Variants in ST7 observed in about 807,000 individuals in gnomAD.
ST7 encodes suppressor of tumorigenicity 7 protein.
Under a neutral mutation model 78.7 loss-of-function variants are expected in ST7, and 28 were observed. The observed-to-expected ratio is 0.36, with a 90% CI of 0.26 to 0.49. ST7 has a LOEUF of 0.49. Among genes scored for constraint, ST7 ranks in the 20% least tolerant of loss-of-function variants. The probability of loss-of-function intolerance (pLI) is 0.99; values close to 1 mark genes in which losing one functional copy is unlikely to be tolerated. For missense variants in ST7, 418 were observed against 696.0 expected (o/e 0.60, Z 4.49); for synonymous variants, 247 against 249.6 (o/e 0.99, Z 0.10).
At chr7:117,022,274 G>C (rs924916279) in intron 1 of ST7, among the ~76,000 whole-genome samples, 5 of 152,254 alleles carry the variant, frequency 3.3e-5, no homozygotes, top group Admixed American at 3.3e-4. Context: ...CAGGTTTTTA[G>C]CATTTTTTGT....
chr7:117,220,962 A>G (rs527529042), intron 14 of ST7, among the ~76,000 whole-genome samples: 4 of 152,220 alleles, frequency 2.6e-5, no homozygotes, highest in East Asian at 3.9e-4. Context: ...TAGATCTTGT[A>G]TTCCCTGAGG....
chr7:116,967,388 C>A (rs567912031), intron 1 of ST7: 1 of 471,268 alleles, frequency 2.1e-6, no homozygotes, highest in Non-Finnish European at 4.4e-6. Flanking sequence ...CTGCTGTCCC[C>A]TCTCCCTGCC....
chr7:117,054,001 C>G (rs1797932659), intron 1 of ST7, among the ~76,000 whole-genome samples: 1 of 152,014 alleles, frequency 6.6e-6, no homozygotes, highest in Non-Finnish European at 1.5e-5. Context: ...CCAGGCCTGG[C>G]TAATTTTTGT....
intron 1 of ST7, among the ~76,000 whole-genome samples, chr7:116,983,166 G>A (rs541977985): frequency 6.6e-6 from 1 of 152,126 alleles, no homozygotes; most frequent in African/African-American, 2.4e-5. Flanking sequence ...CCAAAGTGCT[G>A]GGATTACAGG....
rs1404139600 is a variant in ST7, at chr7:117,230,130, A to G, written c.*273A>G. 2 of 572,300 alleles carry G rather than the reference A, an allele frequency of 3.5e-6. No individual in the cohort carries two copies. Among genetic ancestry groups the G allele is most frequent in the African/African-American group, 3.8e-5 (2 of 53,292 alleles). The allele number at this position is 572,300 out of a possible 1,614,324, so 35.5% of individuals were successfully genotyped here. On this transcript the variant is annotated 3_prime_UTR_variant, in exon 16 of 16. Transcript: ENST00000323984. ...CATTTGTATCCTCCTGTGTCTTCCA[A>G]CCCTAAAATTGTTGATGTCCCAAAT...
At chr7:117,126,453 G>A (rs1366647639) in intron 3 of ST7, among the ~76,000 whole-genome samples, 2 of 151,830 alleles carry the variant, frequency 1.3e-5, no homozygotes, top group Non-Finnish European at 2.9e-5. Flanking sequence ...TATTCCCTCT[G>A]TAGAGCTTCT....
intron 10 of ST7, among the ~76,000 whole-genome samples, chr7:117,179,256 T>A (rs1383690537): frequency 1.3e-5 from 2 of 152,248 alleles, no homozygotes; most frequent in African/African-American, 2.4e-5. Context: ...TGAAGGAAGC[T>A]AATATCAAGA....
chr7:117,139,811 A>G (rs982199738), intron 9 of ST7, among the ~76,000 whole-genome samples: 1 of 152,220 alleles, frequency 6.6e-6, no homozygotes, highest in African/African-American at 2.4e-5. Context: ...AGAAAAGGAG[A>G]TTTCTGCCGA....
chr7:117,022,272 T>A (rs1397765879), intron 1 of ST7, among the ~76,000 whole-genome samples: 2 of 152,220 alleles, frequency 1.3e-5, no homozygotes, highest in Non-Finnish European at 2.9e-5. Context: ...TACAGGTTTT[T>A]AGCATTTTTT....
chr7:117,199,774 G>T (rs543444238), intron 12 of ST7, among the ~76,000 whole-genome samples: 11 of 152,342 alleles, frequency 7.2e-5, no homozygotes, highest in African/African-American at 2.4e-4. Context: ...CCCCTATGAG[G>T]CAGGCAGAGT....
Position 117,165,883 on chromosome 7 carries a change from AG to A in ST7, c.964-4978del, listed in dbSNP as rs1807515324. Among the ~76,000 whole-genome samples, 5 of 152,180 alleles carry A rather than the reference AG, an allele frequency of 3.3e-5. No individual in the cohort carries two copies. The East Asian group carries it at 9.6e-4, about 29-fold the overall frequency. Reference sequence around the variant, plus strand: ...AACATGGCCTGTTTAAGGAACTGAAAGCTGTTCTATGCCAGATGCGTGGTGC... The same window carrying A: ...AACATGGCCTGTTTAAGGAACTGAAACTGTTCTATGCCAGATGCGTGGTGC... On this transcript the variant is annotated intron_variant, in intron 9 of 15. Coordinates refer to ENST00000323984, the MANE Select transcript of ST7 (RefSeq NM_001369598.1).
chr7:117,107,793 G>T (rs560890251), intron 2 of ST7, among the ~76,000 whole-genome samples: 1 of 151,360 alleles, frequency 6.6e-6, no homozygotes, highest in Non-Finnish European at 1.5e-5. Flanking sequence ...TTTTGTGTTT[G>T]TTAGAGACAG....
chr7:117,223,064 C>T (rs760773664), intron 15 of ST7: 18 of 944,898 alleles, frequency 1.9e-5, no homozygotes, highest in South Asian at 2.7e-5. Flanking sequence ...TTGCTCAAGC[C>T]GGAAACTCGG....
At chr7:117,156,036 A>G (rs1439166524) in intron 9 of ST7, among the ~76,000 whole-genome samples, 2 of 152,172 alleles carry the variant, frequency 1.3e-5, no homozygotes, top group Non-Finnish European at 2.9e-5. Context: ...GCTATATTTA[A>G]AAATCACATC....
chr7:117,069,712 A>G (rs1798829578), intron 1 of ST7, among the ~76,000 whole-genome samples: 1 of 152,228 alleles, frequency 6.6e-6, no homozygotes, highest in Admixed American at 6.5e-5. Context: ...CACCAGGTGC[A>G]TGTAGAAGCA....
At chr7:117,090,481 A>G (rs1800527411) in intron 1 of ST7, among the ~76,000 whole-genome samples, 1 of 152,064 alleles carries the variant, frequency 6.6e-6, no homozygotes, top group Admixed American at 6.6e-5. Flanking sequence ...CTGATGGAGG[A>G]TTGAGACACA....
chr7:117,129,422 T>C (rs1307628026), intron 3 of ST7, among the ~76,000 whole-genome samples: 1 of 151,966 alleles, frequency 6.6e-6, no homozygotes, highest in Admixed American at 6.6e-5. Flanking sequence ...AGGTATGTTT[T>C]AGACTGACAG....
chr7:117,026,040 A>G (rs1045473987), intron 1 of ST7, among the ~76,000 whole-genome samples: 4 of 152,104 alleles, frequency 2.6e-5, no homozygotes, highest in Non-Finnish European at 4.4e-5. Flanking sequence ...TGTTGTTTTC[A>G]TTGTCACAAT....
intron 12 of ST7, among the ~76,000 whole-genome samples, chr7:117,201,008 T>C (rs1343050840): frequency 6.6e-6 from 1 of 152,122 alleles, no homozygotes; most frequent in Non-Finnish European, 1.5e-5. Flanking sequence ...CAGTCCTCCC[T>C]TTATATCTTG....
Sources: gnomAD v4.1 joint callset for allele counts (sites outside exome capture counted in the v4.1 genomes callset) on GRCh38, gnomAD v4.1.1 for gene constraint, MANE v1.5 for transcripts, NCBI Gene and HGNC (gene_info 2026-07-23, HGNC 2026-07-21) for gene names.